The following MAGI1 variants were observed in gnomAD, a reference collection of about 807,000 sequenced individuals.
MAGI1 encodes the protein membrane-associated guanylate kinase, WW and PDZ domain-containing protein 1.
A neutral mutation model predicts 139.9 loss-of-function variants in MAGI1; 58 were observed. The ratio of observed to expected loss-of-function variants is 0.41; its 90% CI spans 0.34 to 0.52. The LOEUF (loss-of-function observed/expected upper bound fraction) is 0.52. Ranked by LOEUF, MAGI1 falls within the 20% of genes least tolerant of loss-of-function variation. The pLI is 0.12. For synonymous variants in MAGI1, 812 were observed against 737.9 expected (o/e 1.10, Z -1.63); for missense variants, 1,874 against 1,901.6 (o/e 0.99, Z 0.27).
intron 1 of MAGI1, among the ~76,000 whole-genome samples, chr3:65,684,825 T>C (rs1321247914): frequency 6.7e-6 from 1 of 148,984 alleles, no homozygotes; most frequent in Non-Finnish European, 1.5e-5. Context: ...CCTCAGCTTC[T>C]CAAGCATTTG....
intron 1 of MAGI1, chr3:65,873,792 G>A (rs1358450721): frequency 2.0e-5 from 3 of 152,010 alleles, no homozygotes; most frequent in Non-Finnish European, 4.4e-5. Flanking sequence ...ATGAAGTTGG[G>A]ACCCTTTCCT....
chr3:65,959,096 T>C (rs1233017825), intron 1 of MAGI1, among the ~76,000 whole-genome samples: 1 of 152,084 alleles, frequency 6.6e-6, no homozygotes, highest in Non-Finnish European at 1.5e-5. Flanking sequence ...GTTCTAAAAG[T>C]CTCTGGAAGT....
At chr3:65,706,519 T>C (rs1344069062) in intron 1 of MAGI1, among the ~76,000 whole-genome samples, 1 of 152,016 alleles carries the variant, frequency 6.6e-6, no homozygotes, top group Non-Finnish European at 1.5e-5. Flanking sequence ...TGAGCCAAAG[T>C]CCTCTCTCTC....
intron 1 of MAGI1, among the ~76,000 whole-genome samples, chr3:65,718,819 A>G (rs1365031953): frequency 1.3e-5 from 2 of 152,192 alleles, no homozygotes; most frequent in Non-Finnish European, 2.9e-5. Flanking sequence ...GGCAGGTATC[A>G]TGAGGCATCC....
At chr3:66,037,856 T>C in intron 1 of MAGI1, 140 bp downstream of exon 1, 1 of 1,418,482 alleles carries the variant, frequency 7.0e-7, no homozygotes, top group South Asian at 1.4e-5. Context: ...TTTGTGTATT[T>C]CACCGCCACC....
intron 2 of MAGI1, chr3:65,620,015 C>T (rs2083581240): frequency 1.0e-6 from 1 of 985,064 alleles, no homozygotes; most frequent in Non-Finnish European, 1.2e-6. Context: ...CCAATTCCTA[C>T]ATAGTGGTAA....
chr3:66,019,960 G>A (rs538846231), intron 1 of MAGI1, among the ~76,000 whole-genome samples: 231 of 152,206 alleles, frequency 1.5e-3, no homozygotes, highest in African/African-American at 5.2e-3. Context: ...CAGTCAAAAG[G>A]CCCAGATAAG....
intron 4 of MAGI1, among the ~76,000 whole-genome samples, chr3:65,473,449 G>C (rs1950676026): frequency 6.6e-6 from 1 of 152,120 alleles, no homozygotes; most frequent in Admixed American, 6.6e-5. Flanking sequence ...AACTACAACT[G>C]TCCAAACTCG....
chr3:65,921,195 C>T (rs920828342), intron 1 of MAGI1, among the ~76,000 whole-genome samples: 42 of 151,976 alleles, frequency 2.8e-4, no homozygotes, highest in African/African-American at 9.9e-4. Context: ...CAATGTTTGC[C>T]ATGTTGGAAG....
chr3:65,765,272 A>C (rs1157321766), intron 1 of MAGI1, among the ~76,000 whole-genome samples: 1 of 152,172 alleles, frequency 6.6e-6, no homozygotes, highest in Non-Finnish European at 1.5e-5. Context: ...ATGAACCTTT[A>C]CCAAAGGAGG....
At chr3:66,013,162 GGGAGGCCGAGGCGGGT>G (rs2067421320) in intron 1 of MAGI1, among the ~76,000 whole-genome samples, 1 of 152,112 alleles carries the variant, frequency 6.6e-6, no homozygotes, top group Non-Finnish European at 1.5e-5. Flanking sequence ...CCAGCACTTT[GGGAGGCCGAGGCGGGT>G]GGATTACCTG....
chr3:65,689,837 C>T (rs978804621), intron 1 of MAGI1, among the ~76,000 whole-genome samples: 2 of 152,168 alleles, frequency 1.3e-5, no homozygotes, highest in African/African-American at 4.8e-5. Context: ...TAATTCAATT[C>T]ACAGGAAAAA....
intron 1 of MAGI1, among the ~76,000 whole-genome samples, chr3:66,000,249 T>G (rs1294670494): frequency 2.6e-5 from 4 of 152,074 alleles, no homozygotes; most frequent in African/African-American, 9.7e-5. Context: ...GTGCCCAGAT[T>G]ACAGGCTCAA....
At chr3:65,576,759 C>T (rs1052021531) in intron 2 of MAGI1, among the ~76,000 whole-genome samples, 9 of 152,176 alleles carry the variant, frequency 5.9e-5, no homozygotes, top group Non-Finnish European at 1.2e-4. Context: ...TGAATCCTTT[C>T]ACTACTAGAT....
At chr3:65,525,334 T>G (rs1220869775) in intron 2 of MAGI1, among the ~76,000 whole-genome samples, 1 of 152,216 alleles carries the variant, frequency 6.6e-6, no homozygotes, top group Non-Finnish European at 1.5e-5. Flanking sequence ...GTTTTTCTTT[T>G]TCTCTCTTCT....
chr3:65,788,673 T>C (rs79748430), intron 1 of MAGI1, among the ~76,000 whole-genome samples: 132 of 152,312 alleles, frequency 8.7e-4, no homozygotes, highest in African/African-American at 3.0e-3. Context: ...CTGTTTATTG[T>C]GACCCACACC....
chr3:65,982,977 T>C (rs1389526915), intron 1 of MAGI1, among the ~76,000 whole-genome samples: 1 of 152,204 alleles, frequency 6.6e-6, no homozygotes, highest in East Asian at 1.9e-4. Flanking sequence ...TACAGTACAG[T>C]GGCACAATCA....
chr3:65,700,554 T>C (rs1318072256), intron 1 of MAGI1, among the ~76,000 whole-genome samples: 1 of 152,232 alleles, frequency 6.6e-6, no homozygotes, highest in African/African-American at 2.4e-5. Flanking sequence ...ATTGATCTAA[T>C]GTTTTAAATA....
At chr3:65,674,424 A>G (rs1464834138) in intron 1 of MAGI1, among the ~76,000 whole-genome samples, 1 of 152,184 alleles carries the variant, frequency 6.6e-6, no homozygotes, top group African/African-American at 2.4e-5. Flanking sequence ...CAAGCCCATG[A>G]GGTGCCTGTG....
Sources: allele counts gnomAD v4.1 joint callset (sites outside exome capture counted in the v4.1 genomes callset), GRCh38; gene constraint gnomAD v4.1.1; transcripts MANE v1.5; gene names NCBI Gene and HGNC (gene_info 2026-07-23, HGNC 2026-07-21).